The following TLN2 variants were observed in gnomAD, a reference collection of about 807,000 sequenced individuals.
TLN2 encodes the protein talin-2.
A neutral mutation model predicts 294.7 loss-of-function variants in TLN2; 118 were observed. The observed-to-expected ratio is 0.40, with a 90% CI of 0.34 to 0.47. The LOEUF is 0.47. TLN2 is among the 20% of genes least tolerant of loss of function. TLN2 has a pLI of 0.84. For synonymous variants in TLN2, 1,431 were observed against 1,304.5 expected (o/e 1.10, Z -2.09); for missense variants, 3,083 against 3,282.2 (o/e 0.94, Z 1.48).
At chr15:62,555,179 C>T (rs1407873401) in intron 1 of TLN2, among the ~76,000 whole-genome samples, 1 of 152,000 alleles carries the variant, frequency 6.6e-6, no homozygotes, top group Non-Finnish European at 1.5e-5. Context: ...TGGGAGAGGC[C>T]CTTAGTAGAA....
intron 17 of TLN2, 90 bp downstream of exon 17, chr15:62,701,304 T>A: frequency 9.2e-7 from 1 of 1,087,834 alleles, no homozygotes; most frequent in Non-Finnish European, 1.3e-6. Flanking sequence ...TATCTGTTGA[T>A]TGAAACAATA....
chr15:62,522,974 ACACACTCTCTCACT>A (rs2040543264), intron 1 of TLN2, among the ~76,000 whole-genome samples: 3 of 142,426 alleles, frequency 2.1e-5, no homozygotes, highest in Admixed American at 6.9e-5. Context: ...ACACACACAC[ACACACTCTCTCACT>A]CACACTCATT....
chr15:62,745,893 G>A (rs907287683), intron 32 of TLN2, among the ~76,000 whole-genome samples: 1 of 152,338 alleles, frequency 6.6e-6, no homozygotes, highest in South Asian at 2.1e-4. Context: ...GCTAAATAAT[G>A]CTTCTTAGTT....
chr15:62,691,409 T>C (rs2414776), intron 12 of TLN2, among the ~76,000 whole-genome samples: 126,982 of 152,090 alleles, frequency 0.83, 55,916 homozygotes, highest in Non-Finnish European at 0.97. Context: ...TTTTGGTTAT[T>C]GCCTTTTTCA....
intron 57 of TLN2, chr15:62,838,071 TAAG>T (rs1363167978): frequency 6.6e-6 from 1 of 152,198 alleles, no homozygotes; most frequent in African/African-American, 2.4e-5. Flanking sequence ...CAATAGCCCT[TAAG>T]GAAGATCTAA....
chr15:62,580,846 G>GC (rs34620593), intron 1 of TLN2, among the ~76,000 whole-genome samples: 101,775 of 149,170 alleles, frequency 0.68, 35,376 homozygotes, highest in South Asian at 0.76. Flanking sequence ...TCCTGCCTTC[G>GC]CCCCGCCCCC....
chr15:62,799,987 C>T (rs1220206784), intron 48 of TLN2, among the ~76,000 whole-genome samples: 1 of 152,174 alleles, frequency 6.6e-6, no homozygotes, highest in African/African-American at 2.4e-5. Context: ...GCCTTGAGGG[C>T]TGGGGTCAGG....
intron 31 of TLN2, 62 bp from the exon 32 acceptor site, chr15:62,740,568 C>A: frequency 6.2e-7 from 1 of 1,604,356 alleles, no homozygotes; most frequent in East Asian, 2.2e-5. Flanking sequence ...TCCTAGCTCT[C>A]TGAATGCCTC....
chr15:62,774,844 C>T (rs1015565492), intron 42 of TLN2, among the ~76,000 whole-genome samples: 5 of 151,970 alleles, frequency 3.3e-5, no homozygotes, highest in Non-Finnish European at 1.5e-5. Flanking sequence ...CCAAAGTTTG[C>T]TTCTGAACCT....
chr15:62,468,747 AAAAAAAAT>A (rs2037286745), intron 1 of TLN2, among the ~76,000 whole-genome samples: 1 of 116,500 alleles, frequency 8.6e-6, no homozygotes, highest in Admixed American at 1.0e-4. Flanking sequence ...TCTGTCTCAA[AAAAAAAAT>A]AAAAATAAAA....
chr15:62,602,509 T>C (rs1277560686), intron 2 of TLN2, among the ~76,000 whole-genome samples: 1 of 152,250 alleles, frequency 6.6e-6, no homozygotes, highest in African/African-American at 2.4e-5. Context: ...AATCTTACTC[T>C]GTAGTCTCTT....
chr15:62,477,393 G>C (rs1425502314), intron 1 of TLN2, among the ~76,000 whole-genome samples: 1 of 152,202 alleles, frequency 6.6e-6, no homozygotes, highest in Non-Finnish European at 1.5e-5. Context: ...TGTGGGTAAA[G>C]TTACTGGAGA....
chr15:62,797,169 G>GC, intron 47 of TLN2, 50 bp from the exon 48 acceptor site: 1 of 1,601,890 alleles, frequency 6.2e-7, no homozygotes, highest in South Asian at 1.1e-5. Flanking sequence ...AAGTAATCAA[G>GC]CTTTGCCCTC....
intron 35 of TLN2, among the ~76,000 whole-genome samples, chr15:62,753,229 C>T (rs1198639611): frequency 6.6e-6 from 1 of 152,188 alleles, no homozygotes; most frequent in Admixed American, 6.5e-5. Flanking sequence ...GGCCATCTTA[C>T]TCAATTACAA....
At chr15:62,434,873 C>G (rs879349204) in intron 1 of TLN2, among the ~76,000 whole-genome samples, 180 of 152,306 alleles carry the variant, frequency 1.2e-3, no homozygotes, top group Middle Eastern at 0.01. Context: ...AACCCATCAC[C>G]TAGGTATTAA....
chr15:62,593,350 GC>G (rs2046232105), intron 2 of TLN2, among the ~76,000 whole-genome samples: 1 of 152,212 alleles, frequency 6.6e-6, no homozygotes, highest in Admixed American at 6.5e-5. Context: ...CTGGACCTAG[GC>G]TGCGCTCCTC....
intron 52 of TLN2, among the ~76,000 whole-genome samples, chr15:62,818,574 C>A (rs1211435017): frequency 2.0e-5 from 3 of 152,044 alleles, no homozygotes; most frequent in African/African-American, 4.8e-5. Context: ...AAACAGAAAG[C>A]AAAAGACAAT....
intron 42 of TLN2, among the ~76,000 whole-genome samples, chr15:62,773,404 C>T (rs1407448775): frequency 6.6e-6 from 1 of 151,984 alleles, no homozygotes; most frequent in African/African-American, 2.4e-5. Flanking sequence ...AAGTAAAACA[C>T]GATGAGTGAA....
At chr15:62,482,654 G>A (rs763974801) in intron 1 of TLN2, among the ~76,000 whole-genome samples, 1 of 150,710 alleles carries the variant, frequency 6.6e-6, no homozygotes, top group Admixed American at 6.6e-5. Flanking sequence ...AACCATGAGG[G>A]CCCTCATTAG....
Sources: allele counts gnomAD v4.1 joint callset (sites outside exome capture counted in the v4.1 genomes callset), GRCh38; gene constraint gnomAD v4.1.1; transcripts MANE v1.5; gene names NCBI Gene and HGNC (gene_info 2026-07-23, HGNC 2026-07-21).